ATP6V1B2: variants seen among roughly 807,000 people sequenced by gnomAD.
ATP6V1B2 encodes the protein V-type proton ATPase subunit B, brain isoform.
Under a neutral mutation model 66.7 loss-of-function variants are expected in ATP6V1B2, and 23 were observed. The ratio of observed to expected loss-of-function variants is 0.34; its 90% CI spans 0.25 to 0.49. ATP6V1B2 has a LOEUF of 0.49. Ranked by LOEUF, ATP6V1B2 falls within the 20% of genes least tolerant of loss-of-function variation. The pLI is 0.99. For missense variants in ATP6V1B2, 478 were observed against 650.8 expected, an observed-to-expected ratio of 0.73 and a Z score of 2.89; for synonymous variants, 278 against 236.7, an observed-to-expected ratio of 1.17 and a Z score of -1.60.
At chr8:20,211,412 T>G in intron 6 of ATP6V1B2, 96 bp downstream of exon 6, 1 of 1,490,262 alleles carries the variant, frequency 6.7e-7, no homozygotes, top group Non-Finnish European at 9.0e-7. Context: ...GTTTTCAAAA[T>G]AAATACTCAG....
intron 1 of ATP6V1B2, among the ~76,000 whole-genome samples, chr8:20,198,665 TA>T (rs2072653213): frequency 6.6e-6 from 1 of 152,148 alleles, no homozygotes; most frequent in African/African-American, 2.4e-5. Flanking sequence ...GCCGACTGAT[TA>T]AAAAGGATTT....
chr8:20,219,495 C>A, intron 13 of ATP6V1B2, among the ~76,000 whole-genome samples: 1 of 152,174 alleles, frequency 6.6e-6, no homozygotes, highest in Admixed American at 6.5e-5. Flanking sequence ...GTGATACTCT[C>A]TTAACATCGG....
Position 20,197,509 on chromosome 8 carries a change from G to C in ATP6V1B2, c.103G>C (p.Val35Leu). The change falls in exon 1 of 14, where the codon GTC (valine) becomes CTC (leucine). Residue 35 changes from valine (V) to leucine (L), a missense_variant. Around this residue, in one of 2 missense-constraint regions of ATP6V1B2, gnomAD observed 152 missense variants for 105.2 expected, o/e 1.44. Transcript: ENST00000276390. ...AVGAREQALA[V>L]SRNYLSQPRL... ...GGGAGCTCGGGAGCAGGCGCTGGCA[G>C]TCAGTCGGAACTACCTCTCCCAGCC... 6.7e-7 allele frequency: 1 copy of C among 1,487,026 alleles called. No individual in the cohort carries two copies. The highest frequency in any genetic ancestry group is 9.0e-7 in the Non-Finnish European group (1 of 1,116,710). 92.1% of individuals were successfully genotyped at this position (1,487,026 alleles called of 1,614,324 possible).
At chr8:20,200,490 A>G (rs1281443654) in intron 1 of ATP6V1B2, among the ~76,000 whole-genome samples, 7 of 152,224 alleles carry the variant, frequency 4.6e-5, no homozygotes, top group Non-Finnish European at 1.0e-4. Flanking sequence ...CCACTGTACA[A>G]ATTAGATCCT....
chr8:20,220,144 C>T (rs777945736), intron 13 of ATP6V1B2, 119 bp from the exon 14 acceptor site: 38 of 1,180,522 alleles, frequency 3.2e-5, no homozygotes, highest in Non-Finnish European at 4.1e-5. Context: ...CTTGGGAGTC[C>T]CAACTTTTTT....
At position 20,218,215 on chromosome 8, in the gene ATP6V1B2, C is replaced by T. The variant is rs2128886790; in HGVS notation, c.1329C>T (p.Ala443=). The part of the protein sequence containing the change: ...QAMKAVVGEE[A]LTSDDLLYLE... Reference sequence around the variant, plus strand: ...TGAAAGCTGTCGTTGGAGAAGAAGCCCTTACCTCAGATGATCTTCTCTACT... The same window carrying T: ...TGAAAGCTGTCGTTGGAGAAGAAGCTCTTACCTCAGATGATCTTCTCTACT... The change falls in exon 13 of 14, where the codon GCC becomes GCT. Residue 443 remains alanine (A), a synonymous_variant. Transcript: ENST00000276390. The T allele has an allele frequency of 6.2e-7, 1 of 1,613,320 alleles. No individual in the cohort carries two copies. The highest frequency in any genetic ancestry group is 1.1e-5 in the South Asian group (1 of 91,058).
chr8:20,198,771 A>G (rs577119272), intron 1 of ATP6V1B2, among the ~76,000 whole-genome samples: 1 of 152,330 alleles, frequency 6.6e-6, no homozygotes, highest in South Asian at 2.1e-4. Flanking sequence ...GTGTGAAGAA[A>G]AAGGAAAACA....
At chr8:20,208,471 GATAAA>G (rs899739701) in intron 2 of ATP6V1B2, among the ~76,000 whole-genome samples, 3 of 152,096 alleles carry the variant, frequency 2.0e-5, no homozygotes, top group East Asian at 1.9e-4. Context: ...AAATTATGTT[GATAAA>G]ATAAGTATTA....
intron 1 of ATP6V1B2, among the ~76,000 whole-genome samples, chr8:20,200,260 C>T (rs1010402575): frequency 3.9e-5 from 6 of 151,960 alleles, no homozygotes; most frequent in Admixed American, 2.0e-4. Flanking sequence ...TCAAGAGATC[C>T]GCCCGCCATG....
chr8:20,220,580 T>A lies in ATP6V1B2; in HGVS notation c.*178T>A. ...CAACGTTTTAAACTGCTAACAGACC[T>A]TAAAATATCCCCCTACCTGGGTCCT... On this transcript the variant is annotated 3_prime_UTR_variant, in exon 14 of 14. Coordinates refer to ENST00000276390, the MANE Select transcript of ATP6V1B2 (RefSeq NM_001693.4). 2.2e-6 allele frequency: 2 copies of A among 889,220 alleles called. No homozygotes were observed. The highest frequency in any genetic ancestry group is 3.1e-6 in the Non-Finnish European group (2 of 635,902). 55.1% of individuals were successfully genotyped at this position (889,220 alleles called of 1,614,324 possible). A position where few individuals can be genotyped will look rare whatever the true frequency, so the allele number is the denominator to read the frequency against.
At chr8:20,210,923 G>C (rs888968048) in intron 5 of ATP6V1B2, among the ~76,000 whole-genome samples, 1 of 151,962 alleles carries the variant, frequency 6.6e-6, no homozygotes, top group East Asian at 1.9e-4. Context: ...TCTCTTATTT[G>C]CTATATCTTT....
chr8:20,207,853 TAAG>T (rs1045573118), intron 2 of ATP6V1B2, among the ~76,000 whole-genome samples: 2 of 152,160 alleles, frequency 1.3e-5, no homozygotes, highest in South Asian at 2.1e-4. Context: ...TATAAATGAA[TAAG>T]AAGGATTTAC....
At chr8:20,215,763 G>A (rs1330486016) in intron 10 of ATP6V1B2, 1 of 152,202 alleles carries the variant, frequency 6.6e-6, no homozygotes, top group Non-Finnish European at 1.5e-5. Flanking sequence ...TTCCAAGGGA[G>A]TAGCTACAAA....
rs941779397 is a variant in ATP6V1B2, at chr8:20,211,889, G to A, written c.705+136G>A. The A allele has an allele frequency of 1.0e-5, 9 of 858,964 alleles. No individual in the cohort carries two copies. The African/African-American group carries it at 1.5e-4, about 15-fold the overall frequency. The allele number at this position is 858,964 out of a possible 1,614,324, so 53.2% of individuals were successfully genotyped here. ...CAATCTGGCATTTTGGCCAAATTAA[G>A]GACTAAAATTTGGCATTTGACTAAT... On this transcript the variant is annotated intron_variant, in intron 7 of 13. Transcript: ENST00000276390.
intron 10 of ATP6V1B2, 193 bp downstream of exon 10, chr8:20,215,161 T>G (rs1383524882): frequency 3.3e-6 from 2 of 607,204 alleles, no homozygotes; most frequent in Non-Finnish European, 5.1e-6. Flanking sequence ...AAAGCAATTT[T>G]CTTCATAATT....
At chr8:20,217,440 T>G (rs983086843) in intron 12 of ATP6V1B2, 116 bp downstream of exon 12, 2 of 917,116 alleles carry the variant, frequency 2.2e-6, no homozygotes, top group Admixed American at 3.8e-5. Context: ...GGAATTTTAG[T>G]GTAGGCTTGA....
chr8:20,204,410 T>G (rs777489798), intron 1 of ATP6V1B2, 74 bp from the exon 2 acceptor site: 16 of 1,334,508 alleles, frequency 1.2e-5, no homozygotes, highest in Non-Finnish European at 1.7e-5. Context: ...GAAAGGATTT[T>G]TGGTAATGCC....
rs574128428 is a variant in ATP6V1B2 at position 20,200,677 on chromosome 8, T to A, written c.136+3135T>A. ...CAACATACATAGAGCTTTCGGGTGC[T>A]ATGTATTTTGAATTTGGTCATCTCC... On this transcript the variant is annotated intron_variant, in intron 1 of 13. Coordinates refer to ENST00000276390, the MANE Select transcript of ATP6V1B2 (RefSeq NM_001693.4). Among the ~76,000 whole-genome samples, 5 of 152,350 alleles carry A rather than the reference T, an allele frequency of 3.3e-5. No individual in the cohort carries two copies. The East Asian group carries it at 9.6e-4, about 29-fold the overall frequency.
At chr8:20,202,194 C>T (rs536919324) in intron 1 of ATP6V1B2, among the ~76,000 whole-genome samples, 12 of 152,222 alleles carry the variant, frequency 7.9e-5, no homozygotes, top group Middle Eastern at 3.4e-3. Flanking sequence ...ATAATTCTTA[C>T]AAGATACCAT....
Sources: gnomAD v4.1 joint callset for allele counts (sites outside exome capture counted in the v4.1 genomes callset) on GRCh38, gnomAD v4.1.1 for gene constraint, gnomAD v4.1.1 regional missense constraint, MANE v1.5 for transcripts, NCBI Gene and HGNC (gene_info 2026-07-23, HGNC 2026-07-21) for gene names.